Variants in ENAH observed in about 807,000 individuals in gnomAD.
ENAH encodes the protein ENAH actin regulator.
Under a neutral mutation model 78.7 loss-of-function variants are expected in ENAH, and 23 were observed. The ratio of observed to expected loss-of-function variants is 0.29; its 90% CI spans 0.21 to 0.41. The LOEUF is 0.41. Among genes scored for constraint, ENAH ranks in the 10% least tolerant of loss-of-function variants. The pLI is 1.00. For synonymous variants in ENAH, 226 were observed against 241.0 expected, an observed-to-expected ratio of 0.94 and a Z score of 0.58; for missense variants, 544 against 691.0, an observed-to-expected ratio of 0.79 and a Z score of 2.39.
intron 4 of ENAH, among the ~76,000 whole-genome samples, chr1:225,520,632 G>A (rs536474535): frequency 2.6e-5 from 4 of 152,140 alleles, no homozygotes; most frequent in African/African-American, 9.6e-5. Context: ...CTGAGTGGGA[G>A]GATTGTCTGA....
At position 225,517,749 on chromosome 1, in the gene ENAH, G is replaced by A. The variant is rs114000084; in HGVS notation, c.803-443C>T. 1.1e-3 allele frequency: 1,734 copies of A among 1,551,292 alleles called. 24 individuals carry two copies. In the African/African-American group the frequency reaches 0.021, roughly 18 times the overall value. ...GAGGACGAGGAACTGTAGCGTAATGGGGAAGAACAGGGTGGAAGGCTGAAC... is the reference window on the plus strand; with the variant it reads ...GAGGACGAGGAACTGTAGCGTAATGAGGAAGAACAGGGTGGAAGGCTGAAC... On this transcript the variant is annotated intron_variant, in intron 5 of 13. Coordinates refer to ENST00000366843, the MANE Select transcript of ENAH (RefSeq NM_018212.6).
chr1:225,593,040 A>G (rs1232560761), intron 1 of ENAH, among the ~76,000 whole-genome samples: 3 of 152,136 alleles, frequency 2.0e-5, no homozygotes, highest in African/African-American at 7.2e-5. Context: ...TATCAAACGA[A>G]GTTCAAAATA....
chr1:225,514,208 C>T (rs2096399109), intron 7 of ENAH, among the ~76,000 whole-genome samples: 1 of 151,716 alleles, frequency 6.6e-6, no homozygotes, highest in Non-Finnish European at 1.5e-5. Flanking sequence ...ACTCTGTCAC[C>T]CAGGCTAGAG....
In ENAH at chr1:225,494,027, C is replaced by T. The variant is rs2096236440; in HGVS notation, c.*3748G>A. On this transcript the variant is annotated 3_prime_UTR_variant, in exon 14 of 14. Transcript: ENST00000366843. ...ATTTGTAGACAAAAATACTGACTTA[C>T]ATATGAAGAGAAGCAAGAACATGAG... 1.1e-5 allele frequency: 1 copy of T among 94,934 alleles called. No homozygotes were observed. The highest frequency in any genetic ancestry group is 1.6e-4 in the Admixed American group (1 of 6,400). 5.9% of individuals were successfully genotyped at this position (94,934 alleles called of 1,614,324 possible).
chr1:225,641,314 G>GT (rs1434537479), intron 1 of ENAH, among the ~76,000 whole-genome samples: 5 of 151,122 alleles, frequency 3.3e-5, no homozygotes, highest in Non-Finnish European at 7.4e-5. Context: ...TTCTAAACAT[G>GT]TTTTTTTAAA....
chr1:225,650,970 T>C (rs1296614851), intron 1 of ENAH, among the ~76,000 whole-genome samples: 6 of 151,230 alleles, frequency 4.0e-5, no homozygotes, highest in Non-Finnish European at 8.8e-5. Context: ...CCCTACGGCA[T>C]TAGATCTCTA....
chr1:225,618,306 A>G (rs1239348034), intron 1 of ENAH, among the ~76,000 whole-genome samples: 1 of 152,212 alleles, frequency 6.6e-6, no homozygotes, highest in Non-Finnish European at 1.5e-5. Flanking sequence ...ATGGGCCAAT[A>G]TCCCTAAAAC....
At chr1:225,618,387 T>G (rs1331445935) in intron 1 of ENAH, among the ~76,000 whole-genome samples, 1 of 152,140 alleles carries the variant, frequency 6.6e-6, no homozygotes, top group Non-Finnish European at 1.5e-5. Context: ...AAAAGAATGG[T>G]CATCCAGATA....
intron 1 of ENAH, chr1:225,652,380 T>G: frequency 1.0e-6 from 1 of 985,370 alleles, no homozygotes; most frequent in Non-Finnish European, 1.2e-6. Flanking sequence ...GGGTTTCGCT[T>G]GCAAAGGCTT....
At chr1:225,527,434 T>A (rs1239529777) in intron 4 of ENAH, among the ~76,000 whole-genome samples, 2 of 152,214 alleles carry the variant, frequency 1.3e-5, no homozygotes, top group African/African-American at 4.8e-5. Context: ...TCCTTCCCGT[T>A]TGCTAGCCTA....
chr1:225,647,512 A>C (rs1017107365), intron 1 of ENAH, among the ~76,000 whole-genome samples: 1 of 152,206 alleles, frequency 6.6e-6, no homozygotes, highest in Non-Finnish European at 1.5e-5. Flanking sequence ...AGGTGAGTTC[A>C]AAACCTGCCT....
intron 1 of ENAH, among the ~76,000 whole-genome samples, chr1:225,617,076 G>A (rs1029047355): frequency 2.0e-5 from 3 of 151,180 alleles, no homozygotes; most frequent in Admixed American, 2.0e-4. Context: ...TCCAGCCGGG[G>A]CAACACAGCA....
chr1:225,620,446 G>A (rs1476372872), intron 1 of ENAH, among the ~76,000 whole-genome samples: 2 of 151,772 alleles, frequency 1.3e-5, no homozygotes, highest in Non-Finnish European at 2.9e-5. Flanking sequence ...AAGAAAAATC[G>A]CTTGTACCCA....
intron 11 of ENAH, among the ~76,000 whole-genome samples, chr1:225,505,361 T>G (rs1347835518): frequency 6.6e-6 from 1 of 152,192 alleles, no homozygotes; most frequent in Non-Finnish European, 1.5e-5. Context: ...GGACTAGTTT[T>G]CCCATCTTGA....
intron 6 of ENAH, among the ~76,000 whole-genome samples, chr1:225,516,563 G>A (rs535321101): frequency 6.6e-6 from 1 of 152,260 alleles, no homozygotes; most frequent in Non-Finnish European, 1.5e-5. Flanking sequence ...AACGTGTCAA[G>A]CAAAGTTTTC....
chr1:225,514,517 T>C (rs1027087721), intron 7 of ENAH, 79 bp downstream of exon 7: 19 of 1,121,238 alleles, frequency 1.7e-5, no homozygotes, highest in Non-Finnish European at 2.5e-5. Flanking sequence ...TTCATAAAAT[T>C]AGAATACAAT....
intron 2 of ENAH, among the ~76,000 whole-genome samples, chr1:225,564,248 GGGACTACA>G (rs2096723260): frequency 1.3e-5 from 2 of 151,908 alleles, no homozygotes; most frequent in African/African-American, 4.8e-5. Context: ...TCGAGTAGCT[GGGACTACA>G]GGCACACACA....
intron 5 of ENAH, 89 bp from the exon 6 acceptor site, chr1:225,517,395 G>A: frequency 6.4e-7 from 1 of 1,551,830 alleles, no homozygotes; most frequent in Non-Finnish European, 8.7e-7. Flanking sequence ...GAGATCCACA[G>A]TGTGAGAGTG....
At chr1:225,638,918 C>T (rs145431654) in intron 1 of ENAH, among the ~76,000 whole-genome samples, 111 of 152,284 alleles carry the variant, frequency 7.3e-4, no homozygotes, top group African/African-American at 2.7e-3. Context: ...ATTCTTAACA[C>T]AAAAATATCC....
Sources: allele counts gnomAD v4.1 joint callset (sites outside exome capture counted in the v4.1 genomes callset), GRCh38; gene constraint gnomAD v4.1.1; transcripts MANE v1.5; gene names NCBI Gene and HGNC (gene_info 2026-07-23, HGNC 2026-07-21).